Variants in ANP32A observed in about 807,000 individuals in gnomAD.
The protein encoded by ANP32A is acidic leucine-rich nuclear phosphoprotein 32 family member A.
A neutral mutation model predicts 33.9 loss-of-function variants in ANP32A; 1 was observed. The observed-to-expected ratio is 0.03, with a 90% CI of 0.01 to 0.14. The LOEUF (loss-of-function observed/expected upper bound fraction) is 0.14, where lower values mean the gene tolerates loss of function less well. Among genes scored for constraint, ANP32A ranks in the 10% least tolerant of loss-of-function variants. The pLI, the probability that ANP32A is intolerant of heterozygous loss-of-function variation, is 1.00. For missense variants in ANP32A, 155 were observed against 306.0 expected, an observed-to-expected ratio of 0.51 and a Z score of 3.68; for synonymous variants, 115 against 120.5, an observed-to-expected ratio of 0.95 and a Z score of 0.30.
At chr15:68,783,237 G>A (rs1893892298) in intron 4 of ANP32A, among the ~76,000 whole-genome samples, 184 bp from the exon 5 acceptor site, 1 of 152,120 alleles carries the variant, frequency 6.6e-6, no homozygotes, top group Non-Finnish European at 1.5e-5. Context: ...AACACATCCT[G>A]AAGTTGTGCC....
intron 1 of ANP32A, among the ~76,000 whole-genome samples, chr15:68,793,749 T>C (rs1387248348): frequency 3.3e-5 from 5 of 152,172 alleles, no homozygotes; most frequent in Non-Finnish European, 7.4e-5. Flanking sequence ...GGGCCCAGCA[T>C]AAAATGAAAA....
intron 1 of ANP32A, among the ~76,000 whole-genome samples, chr15:68,806,756 C>T (rs1894232998): frequency 6.6e-6 from 1 of 152,246 alleles, no homozygotes; most frequent in African/African-American, 2.4e-5. Context: ...AACCAGGGTA[C>T]ACCCAAATCT....
At chr15:68,781,083 T>A (rs1457566108) in intron 5 of ANP32A, 1 of 152,316 alleles carries the variant, frequency 6.6e-6, no homozygotes, top group East Asian at 1.9e-4. Flanking sequence ...TGTATGACTT[T>A]CTTTCTCAAC....
At chr15:68,806,982 G>C (rs4238419) in intron 1 of ANP32A, among the ~76,000 whole-genome samples, 143,204 of 152,338 alleles carry the variant, frequency 0.94, 67,591 homozygotes, top group Non-Finnish European at 0.98. Flanking sequence ...TCTGTACACC[G>C]TCAATGCTGC....
At chr15:68,793,894 A>G (rs1894029806) in intron 1 of ANP32A, among the ~76,000 whole-genome samples, 1 of 152,220 alleles carries the variant, frequency 6.6e-6, no homozygotes, top group Admixed American at 6.5e-5. Flanking sequence ...CCTGAAACAG[A>G]GCCCTTTGAA....
Position 68,780,190 on chromosome 15 carries a change from C to G in ANP32A, c.689-48G>C. On this transcript the variant is annotated intron_variant, in intron 6 of 6. Transcript: ENST00000465139. The surrounding 1 kb of genome is among the most constrained non-coding windows in gnomAD (Gnocchi z 4.3). ...TTTAGATTAGTTATTAATCCCACCT[C>G]TTTAACTCAACCCACCCAGTGAGAA... 6.2e-7 allele frequency: 1 copy of G among 1,609,030 alleles called. No homozygotes were observed. The highest frequency in any genetic ancestry group is 8.5e-7 in the Non-Finnish European group (1 of 1,176,912).
At chr15:68,818,689 C>A (rs1233271269) in intron 1 of ANP32A, among the ~76,000 whole-genome samples, 7 of 152,130 alleles carry the variant, frequency 4.6e-5, no homozygotes, top group Admixed American at 3.3e-4. Flanking sequence ...CCCGGGGGGC[C>A]GGCAGCGTCG....
chr15:68,818,619 AAC>A (rs3084749), intron 1 of ANP32A, among the ~76,000 whole-genome samples: 4 of 151,328 alleles, frequency 2.6e-5, no homozygotes, highest in East Asian at 2.0e-4. Context: ...TCCCCTCCCC[AAC>A]ACACACACAC....
intron 1 of ANP32A, among the ~76,000 whole-genome samples, chr15:68,802,670 G>A (rs138986635): frequency 6.6e-6 from 1 of 152,140 alleles, no homozygotes; most frequent in African/African-American, 2.4e-5. Flanking sequence ...TTATTTATTT[G>A]AGACGGAATT....
intron 1 of ANP32A, among the ~76,000 whole-genome samples, chr15:68,794,049 C>T (rs1894032112): frequency 6.6e-6 from 1 of 152,148 alleles, no homozygotes; most frequent in African/African-American, 2.4e-5. Context: ...TTCTTTTTAG[C>T]CCAGCTTACC....
Position 68,779,911 on chromosome 15 carries a change from C to CCAACCA in ANP32A, c.*169_*170insTGGTTG. On this transcript the variant is annotated 3_prime_UTR_variant, in exon 7 of 7. Transcript: ENST00000465139. ...AGTATTTTATTCCACCCCCACCCGC[C>CCAACCA]ATCCCTCCCCCCGCAACCCCCAGTA... The CCAACCA allele has an allele frequency of 2.0e-6, 1 of 489,902 alleles. No homozygotes were observed. The highest frequency in any genetic ancestry group is 3.6e-6 in the Non-Finnish European group (1 of 276,232). The allele number at this position is 489,902 out of a possible 1,614,324, so 30.3% of individuals were successfully genotyped here. A position where few individuals can be genotyped will look rare whatever the true frequency, so the allele number is the denominator to read the frequency against.
rs1893848826 is a variant in ANP32A at position 68,780,146 on chromosome 15, G to A, written c.689-4C>T. On this transcript the variant is annotated splice_polypyrimidine_tract_variant and splice_region_variant and intron_variant, in intron 6 of 6. Coordinates refer to ENST00000465139, the MANE Select transcript of ANP32A (RefSeq NM_006305.4). This position sits in a 1 kb window ranked among gnomAD's most constrained non-coding sequence, Gnocchi z 4.3. ...CGCTTCTGACCCCTTTCTTCTTCTG[G>A]AAAAGTAAGAAAGCGGCATTTAGAT... is the stretch of plus-strand genomic sequence containing the variant. 1.2e-6 allele frequency: 2 copies of A among 1,613,486 alleles called. No homozygotes were observed. Among genetic ancestry groups the A allele is most frequent in the African/African-American group, 2.7e-5 (2 of 74,938 alleles).
chr15:68,808,556 C>A (rs1164710811), intron 1 of ANP32A, among the ~76,000 whole-genome samples: 1 of 152,354 alleles, frequency 6.6e-6, no homozygotes, highest in East Asian at 1.9e-4. Context: ...CGATGCTGGG[C>A]ACACAGGCCA....
chr15:68,820,190 G>A (rs1472357871), intron 1 of ANP32A, among the ~76,000 whole-genome samples: 1 of 152,126 alleles, frequency 6.6e-6, no homozygotes, highest in South Asian at 2.1e-4. Flanking sequence ...GTGTGCGAGC[G>A]AGCGAGCGAG....
intron 5 of ANP32A, chr15:68,782,697 A>G (rs540092444): frequency 1.9e-6 from 1 of 533,524 alleles, no homozygotes; most frequent in East Asian, 3.4e-5. Flanking sequence ...AACAACGGCC[A>G]GGCTTACCCC....
intron 1 of ANP32A, chr15:68,789,793 G>GC (rs373372487): frequency 1.2e-4 from 19 of 152,470 alleles, no homozygotes; most frequent in African/African-American, 4.6e-4. Flanking sequence ...AGGGAGCGCA[G>GC]CCCTCTCCTG....
At chr15:68,812,088 C>T (rs150519225) in intron 1 of ANP32A, among the ~76,000 whole-genome samples, 1 of 151,556 alleles carries the variant, frequency 6.6e-6, no homozygotes, top group East Asian at 1.9e-4. Context: ...CTATGGTGTT[C>T]TAACGGCAAC....
intron 1 of ANP32A, among the ~76,000 whole-genome samples, chr15:68,811,792 T>C (rs1036775494): frequency 1.3e-5 from 2 of 152,210 alleles, no homozygotes; most frequent in Admixed American, 1.3e-4. Flanking sequence ...TGGAATGCAG[T>C]GGCACGATAT....
chr15:68,784,691 T>A (rs940686676), intron 3 of ANP32A, 96 bp from the exon 4 acceptor site: 33 of 1,380,006 alleles, frequency 2.4e-5, no homozygotes, highest in Middle Eastern at 1.8e-4. Flanking sequence ...TGAGATAGCA[T>A]GCGCAGACCA....
Sources: allele counts gnomAD v4.1 joint callset (sites outside exome capture counted in the v4.1 genomes callset), GRCh38; gene constraint gnomAD v4.1.1; non-coding constraint Gnocchi (gnomAD v3.1); transcripts MANE v1.5; gene names NCBI Gene and HGNC (gene_info 2026-07-23, HGNC 2026-07-21).